Variants in ATAD2B observed in about 807,000 individuals in gnomAD.
The protein encoded by ATAD2B is ATPase family AAA domain-containing protein 2B.
In ATAD2B, 40 loss-of-function variants were observed where a neutral mutation model predicts 167.6. The observed-to-expected ratio is 0.24, with a 90% CI of 0.19 to 0.31. The LOEUF (loss-of-function observed/expected upper bound fraction) is 0.31. Among genes scored for constraint, ATAD2B ranks in the 10% least tolerant of loss-of-function variants. ATAD2B has a pLI of 1.00. For synonymous variants in ATAD2B, 579 were observed against 596.5 expected (o/e 0.97, Z 0.43); for missense variants, 1,242 against 1,757.2 (o/e 0.71, Z 5.24).
intron 24 of ATAD2B, among the ~76,000 whole-genome samples, chr2:23,761,879 GT>G (rs1325237270): frequency 2.6e-5 from 4 of 152,152 alleles, no homozygotes; most frequent in African/African-American, 9.7e-5. Context: ...CCTGCATAGT[GT>G]ACAAGGAGTG....
chr2:23,684,321 G>C, the ATAD2B span: 36 of 1,130,194 alleles, frequency 3.2e-5, no homozygotes, highest in East Asian at 1.0e-3. The surrounding 1 kb of genome is among the most constrained non-coding windows in gnomAD (Gnocchi z 4.4). Flanking sequence ...CTTGAAAAAA[G>C]AAAAAAAACT....
At chr2:23,879,836 C>T (rs1302305687) in intron 7 of ATAD2B, among the ~76,000 whole-genome samples, 2 of 151,990 alleles carry the variant, frequency 1.3e-5, no homozygotes, top group Non-Finnish European at 2.9e-5. Flanking sequence ...GGGCCAATCA[C>T]CTGAGGTCAG....
chr2:23,771,967 T>A (rs1371905028), intron 22 of ATAD2B, among the ~76,000 whole-genome samples: 2 of 152,168 alleles, frequency 1.3e-5, no homozygotes, highest in Non-Finnish European at 2.9e-5. Context: ...TCAGAGGACC[T>A]CCAGAATATG....
the ATAD2B span, chr2:23,707,967 A>G: frequency 6.6e-6 from 1 of 152,254 alleles, no homozygotes; most frequent in Non-Finnish European, 1.5e-5. Context: ...TCACACGGTC[A>G]ACAGTTTCCA....
intron 1 of ATAD2B, among the ~76,000 whole-genome samples, chr2:23,900,151 C>T (rs1019790482): frequency 7.9e-5 from 12 of 151,678 alleles, no homozygotes; most frequent in South Asian, 2.1e-4. Flanking sequence ...CTCCTGACCT[C>T]GTGATCTGCC....
intron 14 of ATAD2B, among the ~76,000 whole-genome samples, chr2:23,831,647 C>T (rs1319480979): frequency 6.6e-6 from 1 of 152,182 alleles, no homozygotes; most frequent in Non-Finnish European, 1.5e-5. Context: ...CTCCCCACAT[C>T]CTAATCACCA....
the ATAD2B span, chr2:23,706,727 A>T: frequency 2.4e-6 from 3 of 1,267,226 alleles, no homozygotes; most frequent in African/African-American, 4.6e-5. Flanking sequence ...CCACGCAATG[A>T]TAATTTTCCA....
At position 23,867,880 on chromosome 2, in the gene ATAD2B, C is replaced by G. The variant is rs774148364; in HGVS notation, c.1143G>C (p.Val381=). ...GATCAACATCAGCCAAGCTTGCACC[C>G]ACTTTCACTCGTTCTCGGAGAATAC... ...ASGILRERVK[V]GASLADVDPM... Residue 381 remains valine (V), a synonymous_variant, in exon 10 of 28, where the codon GTG becomes GTC. Coordinates refer to ENST00000238789, the MANE Select transcript of ATAD2B (RefSeq NM_017552.4). The G allele has an allele frequency of 3.1e-6, 5 of 1,613,748 alleles. No homozygotes were observed. In the East Asian group the frequency reaches 8.9e-5, roughly 29 times the overall value.
chr2:23,823,176 T>C (rs1177462521), intron 16 of ATAD2B, 82 bp downstream of exon 16: 23 of 1,204,222 alleles, frequency 1.9e-5, no homozygotes, highest in South Asian at 3.2e-5. Context: ...AAGTGACACA[T>C]AAATAATCTT....
chr2:23,684,083 A>C, the ATAD2B span, among the ~76,000 whole-genome samples: 1 of 152,082 alleles, frequency 6.6e-6, no homozygotes, highest in East Asian at 1.9e-4. This position sits in a 1 kb window ranked among gnomAD's most constrained non-coding sequence, Gnocchi z 4.4. Context: ...TGTATTCTCT[A>C]TGTTTCCAAT....
chr2:23,871,405 C>T (rs544259385), intron 8 of ATAD2B, among the ~76,000 whole-genome samples: 1 of 152,180 alleles, frequency 6.6e-6, no homozygotes. Context: ...TCCTAACATA[C>T]CAACTTTCAA....
chr2:23,762,087 C>T lies in ATAD2B; in HGVS notation c.3394+122G>A, dbSNP rs1676815929. 11 of 1,004,632 alleles carry T rather than the reference C, an allele frequency of 1.1e-5. No homozygotes were observed. In the South Asian group the frequency reaches 2.1e-4, roughly 19 times the overall value. The allele number at this position is 1,004,632 out of a possible 1,614,324, so 62.2% of individuals were successfully genotyped here. The stretch of plus-strand genomic sequence containing the variant: ...TTACCTCACAAGCTCTTCTTCACCT[C>T]TGAAAAGAGATTAAAAGAGCTATGG... On this transcript the variant is annotated intron_variant, in intron 24 of 27. Transcript: ENST00000238789.
At chr2:23,875,492 T>G (rs1696692289) in intron 8 of ATAD2B, among the ~76,000 whole-genome samples, 1 of 132,992 alleles carries the variant, frequency 7.5e-6, no homozygotes, top group Non-Finnish European at 1.6e-5. Flanking sequence ...AGGGACAAAG[T>G]GAGACTCCGT....
At position 23,750,157 on chromosome 2, in the gene ATAD2B, A is replaced by G. The variant is rs141616134; in HGVS notation, c.*1889T>C. On this transcript the variant is annotated 3_prime_UTR_variant, in exon 28 of 28. Coordinates refer to ENST00000238789, the MANE Select transcript of ATAD2B (RefSeq NM_017552.4). ...TGAAAATCCTCCCAATAATCAAATT[A>G]GAGGTTTCAAATAACCTCCCCTTTA... 7 of 152,272 alleles carry G rather than the reference A, an allele frequency of 4.6e-5. No homozygotes were observed. The highest frequency in any genetic ancestry group is 1.3e-4 in the Admixed American group (2 of 15,286). 9.4% of individuals were successfully genotyped at this position (152,272 alleles called of 1,614,324 possible).
At chr2:23,758,866 A>G (rs1186068140) in intron 24 of ATAD2B, among the ~76,000 whole-genome samples, 1 of 152,200 alleles carries the variant, frequency 6.6e-6, no homozygotes, top group Non-Finnish European at 1.5e-5. Flanking sequence ...GAGGCCTACA[A>G]AAGTTGTAAG....
chr2:23,836,209 C>T (rs933205672), intron 13 of ATAD2B, among the ~76,000 whole-genome samples: 1 of 152,184 alleles, frequency 6.6e-6, no homozygotes, highest in Non-Finnish European at 1.5e-5. Context: ...TCTGGCATGC[C>T]GGCTGCTGCA....
chr2:23,847,934 A>T (rs1268985989), intron 13 of ATAD2B, among the ~76,000 whole-genome samples: 1 of 149,900 alleles, frequency 6.7e-6, no homozygotes, highest in Non-Finnish European at 1.5e-5. Context: ...CGGAGGTTGC[A>T]GTGAGCCGAG....
At chr2:23,810,214 C>T (rs974922398) in intron 18 of ATAD2B, 102 bp downstream of exon 18, 4 of 1,010,678 alleles carry the variant, frequency 4.0e-6, no homozygotes, top group Admixed American at 2.7e-5. Context: ...ATATTCATAT[C>T]GTACTCTGAA....
intron 1 of ATAD2B, among the ~76,000 whole-genome samples, chr2:23,898,109 T>C (rs1700360467): frequency 1.3e-5 from 2 of 152,176 alleles, no homozygotes; most frequent in African/African-American, 4.8e-5. Context: ...CATGCCCAGC[T>C]AATTTTTTGT....
Sources: allele counts gnomAD v4.1 joint callset (sites outside exome capture counted in the v4.1 genomes callset), GRCh38; gene constraint gnomAD v4.1.1; non-coding constraint Gnocchi (gnomAD v3.1); transcripts MANE v1.5; gene names NCBI Gene and HGNC (gene_info 2026-07-23, HGNC 2026-07-21).